Variants in GRIK2 observed in about 807,000 individuals in gnomAD.
The protein encoded by GRIK2 is glutamate ionotropic receptor kainate type subunit 2, also known as glutamate receptor ionotropic, kainate 2.
A neutral mutation model predicts 100.3 loss-of-function variants in GRIK2; 32 were observed. The observed-to-expected ratio is 0.32, with a 90% CI of 0.24 to 0.43. The LOEUF is 0.43. Ranked by LOEUF, GRIK2 falls within the 20% of genes least tolerant of loss-of-function variation. The pLI, the probability that GRIK2 is intolerant of heterozygous loss-of-function variation, is 1.00. For missense variants in GRIK2, 843 were observed against 1,114.9 expected (o/e 0.76, Z 3.47); for synonymous variants, 417 against 389.4 (o/e 1.07, Z -0.83).
At chr6:101,863,912 T>C (rs901031616) in intron 11 of GRIK2, among the ~76,000 whole-genome samples, 43 of 147,622 alleles carry the variant, frequency 2.9e-4, no homozygotes, top group African/African-American at 1.0e-3. Flanking sequence ...CCGAGGCGGG[T>C]GGATCATGAG....
At chr6:102,043,510 C>G (rs1449839864) in intron 15 of GRIK2, among the ~76,000 whole-genome samples, 1 of 151,830 alleles carries the variant, frequency 6.6e-6, no homozygotes, top group Non-Finnish European at 1.5e-5. Flanking sequence ...TATGTGATAT[C>G]CGTCTTTTTG....
chr6:101,988,128 T>TGCGC (rs1562091125), intron 14 of GRIK2, among the ~76,000 whole-genome samples: 2 of 20,170 alleles, frequency 9.9e-5, no homozygotes, highest in African/African-American at 3.1e-4. Flanking sequence ...TGTGTGTGTG[T>TGCGC]GTGTGCGCGC....
At chr6:101,558,260 A>G (rs1776838699) in intron 2 of GRIK2, among the ~76,000 whole-genome samples, 1 of 152,018 alleles carries the variant, frequency 6.6e-6, no homozygotes, top group African/African-American at 2.4e-5. Context: ...ACTAGGTGGT[A>G]GGCCTTCGGG....
intron 10 of GRIK2, among the ~76,000 whole-genome samples, chr6:101,840,181 T>A (rs637528): frequency 0.12 from 18,227 of 152,156 alleles, 1,218 homozygotes; most frequent in Admixed American, 0.19. Context: ...CCAAAGAAGG[T>A]AAAAAGCATC....
intron 13 of GRIK2, among the ~76,000 whole-genome samples, chr6:101,925,227 T>C (rs1485677472): frequency 6.6e-6 from 1 of 152,176 alleles, no homozygotes; most frequent in East Asian, 1.9e-4. Flanking sequence ...AAATATTAGC[T>C]GCATTTGATA....
chr6:101,596,255 A>G (rs1386099309), intron 2 of GRIK2, among the ~76,000 whole-genome samples: 1 of 150,214 alleles, frequency 6.7e-6, no homozygotes. Context: ...CTCAGGCAAA[A>G]TAAATGAATG....
At chr6:101,608,866 C>T (rs1779556293) in intron 2 of GRIK2, among the ~76,000 whole-genome samples, 2 of 149,830 alleles carry the variant, frequency 1.3e-5, no homozygotes, top group South Asian at 2.1e-4. Flanking sequence ...ACACAAAGTC[C>T]CATAGTCTAC....
chr6:101,980,858 G>C (rs973051207), intron 14 of GRIK2, among the ~76,000 whole-genome samples: 1 of 145,710 alleles, frequency 6.9e-6, no homozygotes, highest in African/African-American at 2.5e-5. Flanking sequence ...AAGCACTGAA[G>C]TAACAAATTA....
intron 2 of GRIK2, among the ~76,000 whole-genome samples, chr6:101,616,141 C>A (rs984238680): frequency 6.6e-6 from 1 of 151,688 alleles, no homozygotes. Context: ...GCTTTCTCTT[C>A]CTATTGGTTC....
intron 14 of GRIK2, among the ~76,000 whole-genome samples, chr6:101,976,430 C>A (rs1309139955): frequency 2.0e-5 from 3 of 151,910 alleles, no homozygotes; most frequent in Non-Finnish European, 4.4e-5. Context: ...GGTGTGGTGG[C>A]TCATGCCTGT....
chr6:101,984,760 A>C (rs1340598887), intron 14 of GRIK2, among the ~76,000 whole-genome samples: 2 of 151,762 alleles, frequency 1.3e-5, no homozygotes, highest in Non-Finnish European at 2.9e-5. Flanking sequence ...TGGTCTTTTC[A>C]TAACATTTTT....
chr6:101,517,184 T>C lies in GRIK2; in HGVS notation c.116-104765T>C, dbSNP rs751908265. ...CAGACTTTGTGGGAGGGCATAAAAA[T>C]GTGAAGGACAGCCAGCATGTTGTAG... On this transcript the variant is annotated intron_variant, in intron 2 of 16. Transcript: ENST00000369134. 7.2e-5 allele frequency among the ~76,000 whole-genome samples: 11 copies of C among 152,198 alleles called. No individual in the cohort carries two copies. In the Middle Eastern group the frequency reaches 0.027, roughly 376 times the overall value.
rs113651616 is a variant in GRIK2 at position 101,650,793 on chromosome 6, A to C, written c.541+24156A>C. On this transcript the variant is annotated intron_variant, in intron 4 of 16. Coordinates refer to ENST00000369134, the MANE Select transcript of GRIK2 (RefSeq NM_021956.5). ...TATTTTGCAGTTAACTGACTTGAAA[A>C]ATATCTGATTTGAAATGGGGCTTAC... 4.1e-3 allele frequency among the ~76,000 whole-genome samples: 618 copies of C among 152,126 alleles called. 1 individual carries two copies. The highest frequency in any genetic ancestry group is 0.014 in the African/African-American group (598 of 41,518).
intron 2 of GRIK2, among the ~76,000 whole-genome samples, chr6:101,483,656 C>T (rs998743680): frequency 2.8e-4 from 42 of 152,152 alleles, no homozygotes; most frequent in African/African-American, 9.2e-4. Flanking sequence ...CTCACTGCAA[C>T]CTCTGCCTCC....
At chr6:101,541,377 C>CT (rs1775979549) in intron 2 of GRIK2, among the ~76,000 whole-genome samples, 1 of 145,342 alleles carries the variant, frequency 6.9e-6, no homozygotes, top group East Asian at 2.1e-4. Context: ...CGCACACAAC[C>CT]ACACACACAC....
At chr6:101,588,555 G>A (rs1778485421) in intron 2 of GRIK2, among the ~76,000 whole-genome samples, 1 of 152,028 alleles carries the variant, frequency 6.6e-6, no homozygotes, top group Admixed American at 6.6e-5. Flanking sequence ...TCTGGCAGGA[G>A]GATCACTTGA....
chr6:101,784,671 T>C (rs1029460725), intron 7 of GRIK2, among the ~76,000 whole-genome samples: 5 of 152,126 alleles, frequency 3.3e-5, no homozygotes, highest in Non-Finnish European at 7.4e-5. Context: ...GTTCTCATGA[T>C]AGTGAGGGAA....
chr6:101,717,037 G>A (rs977913419), intron 7 of GRIK2, among the ~76,000 whole-genome samples: 4 of 151,956 alleles, frequency 2.6e-5, no homozygotes, highest in Non-Finnish European at 4.4e-5. Flanking sequence ...ATATGCAAAT[G>A]ATCTTTTCCC....
intron 8 of GRIK2, among the ~76,000 whole-genome samples, chr6:101,801,850 G>C (rs1024333012): frequency 1.3e-5 from 2 of 151,730 alleles, no homozygotes; most frequent in Admixed American, 1.3e-4. Flanking sequence ...AAAGCTAGGG[G>C]GAATGTATAT....
Sources: allele counts gnomAD v4.1 joint callset (sites outside exome capture counted in the v4.1 genomes callset), GRCh38; gene constraint gnomAD v4.1.1; transcripts MANE v1.5; gene names NCBI Gene and HGNC (gene_info 2026-07-23, HGNC 2026-07-21).